Variants in STIM1 observed in about 807,000 individuals in gnomAD.
The protein encoded by STIM1 is stromal interaction molecule 1.
Under a neutral mutation model 74.7 loss-of-function variants are expected in STIM1, and 25 were observed. The observed-to-expected ratio is 0.33, with a 90% CI of 0.24 to 0.47. STIM1 has a LOEUF of 0.47. Ranked by LOEUF, STIM1 falls within the 20% of genes least tolerant of loss-of-function variation. The pLI, the probability that STIM1 is intolerant of heterozygous loss-of-function variation, is 1.00. For missense variants in STIM1, 728 were observed against 920.8 expected, an observed-to-expected ratio of 0.79 and a Z score of 2.71; for synonymous variants, 328 against 348.8, an observed-to-expected ratio of 0.94 and a Z score of 0.66.
chr11:4,053,892 G>A (rs1192083800), intron 3 of STIM1, among the ~76,000 whole-genome samples: 1 of 152,116 alleles, frequency 6.6e-6, no homozygotes, highest in Non-Finnish European at 1.5e-5. Context: ...ACAGGTGTGA[G>A]CTACCATGCC....
intron 1 of STIM1, among the ~76,000 whole-genome samples, chr11:3,886,871 G>A (rs1222516030): frequency 1.3e-5 from 2 of 151,416 alleles, no homozygotes; most frequent in Non-Finnish European, 2.9e-5. Context: ...GTGTGGTGGC[G>A]GGTGCCTGTA....
chr11:3,941,061 TTG>T (rs1210598639), intron 1 of STIM1, among the ~76,000 whole-genome samples: 1 of 152,054 alleles, frequency 6.6e-6, no homozygotes, highest in East Asian at 1.9e-4. Flanking sequence ...CCTCATAGGG[TTG>T]TTGTGAGGAT....
chr11:3,860,472 T>C (rs570489173), intron 1 of STIM1, among the ~76,000 whole-genome samples: 4 of 152,296 alleles, frequency 2.6e-5, no homozygotes, highest in African/African-American at 9.6e-5. Flanking sequence ...CTCTCAAAAC[T>C]TTGTGATAAA....
intron 1 of STIM1, among the ~76,000 whole-genome samples, chr11:3,863,644 C>A (rs1377010738): frequency 6.6e-6 from 1 of 152,092 alleles, no homozygotes; most frequent in African/African-American, 2.4e-5. Flanking sequence ...GATGAAATCT[C>A]ATGCTGTCCT....
rs146005752 is a variant in STIM1, at chr11:3,981,097, C to T, written c.270+13415C>T. Among the ~76,000 whole-genome samples, 136 of 152,150 alleles carry T rather than the reference C, an allele frequency of 8.9e-4. No individual in the cohort carries two copies. The East Asian group carries it at 0.021, about 24-fold the overall frequency. On this transcript the variant is annotated intron_variant, in intron 2 of 12. Transcript: ENST00000526596. ...ACTGCAACCTCTGCCTCCCAGGTTCCGATGATTCTTCTGCCTCAGGCTCTC... is the reference window on the plus strand; with the variant it reads ...ACTGCAACCTCTGCCTCCCAGGTTCTGATGATTCTTCTGCCTCAGGCTCTC...
intron 12 of STIM1, among the ~76,000 whole-genome samples, chr11:4,090,113 T>C (rs938157473): frequency 2.0e-5 from 3 of 152,192 alleles, no homozygotes; most frequent in Non-Finnish European, 4.4e-5. Context: ...CAAAGAAGCC[T>C]CTTGCGACCG....
At chr11:3,973,417 C>T (rs573273563) in intron 2 of STIM1, 85 of 380,678 alleles carry the variant, frequency 2.2e-4, no homozygotes, top group African/African-American at 8.2e-4. Context: ...TTTTTTCTCT[C>T]GAGACAAGGT....
At chr11:4,045,787 A>T in intron 3 of STIM1, among the ~76,000 whole-genome samples, 1 of 93,186 alleles carries the variant, frequency 1.1e-5, no homozygotes, top group Non-Finnish European at 2.1e-5. Flanking sequence ...TTTTTTTGAG[A>T]CGAAGTTTTG....
intron 3 of STIM1, among the ~76,000 whole-genome samples, chr11:4,047,552 G>C (rs951180526): frequency 2.6e-5 from 4 of 152,144 alleles, no homozygotes; most frequent in African/African-American, 9.7e-5. Context: ...GGAGGCGGAG[G>C]CTTCAGTGAG....
intron 1 of STIM1, among the ~76,000 whole-genome samples, chr11:3,946,985 A>G (rs1225920247): frequency 6.6e-6 from 1 of 152,214 alleles, no homozygotes; most frequent in Non-Finnish European, 1.5e-5. Context: ...GAGTTTGGAC[A>G]AATCACTTCT....
At chr11:3,983,522 AC>A (rs914437029) in intron 2 of STIM1, among the ~76,000 whole-genome samples, 1 of 152,096 alleles carries the variant, frequency 6.6e-6, no homozygotes, top group Non-Finnish European at 1.5e-5. Flanking sequence ...CTGTGGGACA[AC>A]CCTGGTGGCA....
intron 2 of STIM1, among the ~76,000 whole-genome samples, chr11:4,018,686 T>C (rs2093927243): frequency 6.6e-6 from 1 of 151,598 alleles, no homozygotes; most frequent in Non-Finnish European, 1.5e-5. Flanking sequence ...GGGATCTGTG[T>C]TCTGGAACCC....
At chr11:3,884,278 T>G (rs1363519134) in intron 1 of STIM1, among the ~76,000 whole-genome samples, 5 of 152,186 alleles carry the variant, frequency 3.3e-5, no homozygotes, top group Non-Finnish European at 7.3e-5. Context: ...GCCCTGGTAT[T>G]GTGGGAGTGT....
At chr11:4,013,451 G>A (rs1332183779) in intron 2 of STIM1, among the ~76,000 whole-genome samples, 1 of 151,854 alleles carries the variant, frequency 6.6e-6, no homozygotes, top group Non-Finnish European at 1.5e-5. Flanking sequence ...TTTAGTCTTG[G>A]GAGGGTGTAT....
At chr11:3,943,044 C>A (rs1205325720) in intron 1 of STIM1, among the ~76,000 whole-genome samples, 1 of 152,166 alleles carries the variant, frequency 6.6e-6, no homozygotes, top group Non-Finnish European at 1.5e-5. Context: ...ATTTCTTTTA[C>A]CCCAAGGCAA....
Position 3,992,081 on chromosome 11 carries a change from G to GCTTTTTTTTTTTTTTTTT in STIM1, c.270+24399_270+24400insCTTTTTTTTTTTTTTTTT, listed in dbSNP as rs376329167. 9.8e-4 allele frequency among the ~76,000 whole-genome samples: 90 copies of GCTTTTTTTTTTTTTTTTT among 91,968 alleles called. 8 individuals carry two copies. Among genetic ancestry groups the GCTTTTTTTTTTTTTTTTT allele is most frequent in the Non-Finnish European group, 1.4e-3 (71 of 50,108 alleles). The allele number at this position is 91,968 out of a possible 152,430, so 60.3% of individuals were successfully genotyped here. ...TTTCTCTGCAGCCTTGCCAACATCT[G>GCTTTTTTTTTTTTTTTTT]TTTTTTTGTTTTTTTTTTTTTTTTT... On this transcript the variant is annotated intron_variant, in intron 2 of 12. Transcript: ENST00000526596.
chr11:3,895,014 G>A (rs796731352), intron 1 of STIM1, among the ~76,000 whole-genome samples: 2 of 151,504 alleles, frequency 1.3e-5, no homozygotes, highest in African/African-American at 4.9e-5. Flanking sequence ...CTCCCAAAGT[G>A]CTGGGATTAC....
chr11:4,081,778 G>A (rs546989246), intron 7 of STIM1, among the ~76,000 whole-genome samples: 3 of 152,174 alleles, frequency 2.0e-5, no homozygotes, highest in Non-Finnish European at 4.4e-5. Context: ...TCAGATTCCT[G>A]ACCAGTGCTT....
At chr11:3,971,692 G>A (rs2093397651) in intron 2 of STIM1, among the ~76,000 whole-genome samples, 1 of 152,186 alleles carries the variant, frequency 6.6e-6, no homozygotes, top group Non-Finnish European at 1.5e-5. Flanking sequence ...TCCCTGCCAG[G>A]ACAAACCAAT....
Sources: gnomAD v4.1 joint callset for allele counts (sites outside exome capture counted in the v4.1 genomes callset) on GRCh38, gnomAD v4.1.1 for gene constraint, MANE v1.5 for transcripts, NCBI Gene and HGNC (gene_info 2026-07-23, HGNC 2026-07-21) for gene names.